Variants in SH3GL3 observed in about 807,000 individuals in gnomAD.
SH3GL3 encodes the protein endophilin-A3.
In SH3GL3, 33 loss-of-function variants were observed where a neutral mutation model predicts 47.7. That is an observed-to-expected ratio of 0.69 (90% CI 0.52 to 0.92). The LOEUF (loss-of-function observed/expected upper bound fraction) is 0.92, where lower values mean the gene tolerates loss of function less well. Ranked by LOEUF, SH3GL3 falls within the 40% of genes least tolerant of loss-of-function variation. The pLI, the probability that SH3GL3 is intolerant of heterozygous loss-of-function variation, is 0.00. For missense variants in SH3GL3, 363 were observed against 417.8 expected (o/e 0.87, Z 1.14); for synonymous variants, 155 against 148.8 (o/e 1.04, Z -0.30).
intron 1 of SH3GL3, among the ~76,000 whole-genome samples, chr15:83,465,812 A>C (rs1291475229): frequency 6.6e-6 from 1 of 152,068 alleles, no homozygotes; most frequent in Non-Finnish European, 1.5e-5. Context: ...TGTGCTTTTA[A>C]TTAAACATTT....
the SH3GL3 span, among the ~76,000 whole-genome samples, chr15:83,631,423 C>T: frequency 6.6e-6 from 1 of 152,204 alleles, no homozygotes; most frequent in Non-Finnish European, 1.5e-5. Context: ...TTCTGCCCTG[C>T]CCTAGCAGAG....
chr15:83,543,303 C>T (rs180908978), intron 1 of SH3GL3, among the ~76,000 whole-genome samples: 1 of 152,184 alleles, frequency 6.6e-6, no homozygotes, highest in Admixed American at 6.5e-5. Flanking sequence ...TATATTGAAC[C>T]ATTCTTGCAT....
chr15:83,492,434 C>T (rs915963424), intron 1 of SH3GL3, among the ~76,000 whole-genome samples: 13 of 151,720 alleles, frequency 8.6e-5, no homozygotes, highest in East Asian at 3.9e-4. Context: ...AAAAAAAAGA[C>T]GGGGGAAGTG....
intron 1 of SH3GL3, among the ~76,000 whole-genome samples, chr15:83,510,156 T>C (rs1193847499): frequency 6.6e-6 from 1 of 152,144 alleles, no homozygotes; most frequent in Non-Finnish European, 1.5e-5. Flanking sequence ...ATCAGACAAC[T>C]TCATCCAGAA....
chr15:83,589,672 C>G (rs971840016), intron 8 of SH3GL3, among the ~76,000 whole-genome samples: 5 of 152,174 alleles, frequency 3.3e-5, no homozygotes, highest in African/African-American at 1.2e-4. Context: ...CCACTGTACC[C>G]AGCCTTTTTT....
At chr15:83,577,929 C>T (rs576001524) in intron 6 of SH3GL3, among the ~76,000 whole-genome samples, 9 of 152,312 alleles carry the variant, frequency 5.9e-5, no homozygotes, top group Admixed American at 2.6e-4. Context: ...GGCGGACAGC[C>T]GCTGTCATCC....
chr15:83,559,248 T>C lies in SH3GL3; in HGVS notation c.46-5T>C. 1.3e-6 allele frequency: 2 copies of C among 1,489,698 alleles called. No homozygotes were observed. The highest frequency in any genetic ancestry group is 9.4e-7 in the Non-Finnish European group (1 of 1,066,498). 92.3% of individuals were successfully genotyped at this position (1,489,698 alleles called of 1,614,324 possible). A position where few individuals can be genotyped will look rare whatever the true frequency, so the allele number is the denominator to read the frequency against. ...CAATGCAATTATTTATGTTTATTTC[T>C]GCAGCTATTTAGTGAAAAAATAAGT... On this transcript the variant is annotated splice_polypyrimidine_tract_variant and splice_region_variant and intron_variant, in intron 1 of 8. Transcript: ENST00000427482.
chr15:83,539,365 A>G (rs1236017235), intron 1 of SH3GL3, among the ~76,000 whole-genome samples: 1 of 152,138 alleles, frequency 6.6e-6, no homozygotes, highest in African/African-American at 2.4e-5. Flanking sequence ...CTTTCTCTGA[A>G]GTCTCTTTTA....
intron 1 of SH3GL3, among the ~76,000 whole-genome samples, chr15:83,519,589 T>A (rs1328621328): frequency 6.6e-6 from 1 of 152,220 alleles, no homozygotes; most frequent in Non-Finnish European, 1.5e-5. Flanking sequence ...GTTTTCTAGG[T>A]ATAGAATCAT....
At chr15:83,585,666 A>G (rs1421747680) in intron 6 of SH3GL3, among the ~76,000 whole-genome samples, 1 of 152,196 alleles carries the variant, frequency 6.6e-6, no homozygotes, top group Non-Finnish European at 1.5e-5. Context: ...AGTAGGGGCC[A>G]GGCTGTCTTT....
chr15:83,552,197 C>A (rs2044701100), intron 1 of SH3GL3, among the ~76,000 whole-genome samples: 1 of 152,142 alleles, frequency 6.6e-6, no homozygotes, highest in African/African-American at 2.4e-5. Flanking sequence ...GACTTTCCAA[C>A]CTGAGATATT....
intron 1 of SH3GL3, among the ~76,000 whole-genome samples, chr15:83,482,906 G>T (rs1416056326): frequency 6.6e-6 from 1 of 152,180 alleles, no homozygotes; most frequent in Non-Finnish European, 1.5e-5. Context: ...AATGTGAACA[G>T]TTCCGTTCTA....
At chr15:83,458,121 G>A (rs774783114) in intron 1 of SH3GL3, among the ~76,000 whole-genome samples, 38 of 152,208 alleles carry the variant, frequency 2.5e-4, no homozygotes, top group African/African-American at 6.3e-4. Context: ...CACACTGTTC[G>A]GCTAAATAGT....
intron 1 of SH3GL3, among the ~76,000 whole-genome samples, chr15:83,474,567 T>G (rs2041005477): frequency 6.6e-6 from 1 of 152,208 alleles, no homozygotes; most frequent in Admixed American, 6.5e-5. Flanking sequence ...ATAGTTCATC[T>G]GCAGGTTGCC....
intron 1 of SH3GL3, among the ~76,000 whole-genome samples, chr15:83,539,141 A>G (rs1253720370): frequency 6.6e-6 from 1 of 152,200 alleles, no homozygotes; most frequent in Non-Finnish European, 1.5e-5. Flanking sequence ...TCTTATGCTT[A>G]TTGGCCATTT....
chr15:83,613,497 C>A (rs1245026054), intron 8 of SH3GL3, among the ~76,000 whole-genome samples: 1 of 152,172 alleles, frequency 6.6e-6, no homozygotes, highest in East Asian at 1.9e-4. Context: ...CAGGTTTACA[C>A]ATGGAGGTGG....
At chr15:83,581,604 C>A (rs1057268160) in intron 6 of SH3GL3, among the ~76,000 whole-genome samples, 1 of 152,204 alleles carries the variant, frequency 6.6e-6, no homozygotes, top group Non-Finnish European at 1.5e-5. Context: ...CCTTTCCTTG[C>A]AGTGTCTAGG....
intron 1 of SH3GL3, among the ~76,000 whole-genome samples, chr15:83,529,096 C>T (rs2043550194): frequency 6.6e-6 from 1 of 152,116 alleles, no homozygotes; most frequent in African/African-American, 2.4e-5. Context: ...GTGATTGTCT[C>T]AGTGGCCTGG....
chr15:83,518,839 T>G lies in SH3GL3; in HGVS notation c.46-40414T>G, dbSNP rs531180891. Among the ~76,000 whole-genome samples, 6 of 152,310 alleles carry G rather than the reference T, an allele frequency of 3.9e-5. No individual in the cohort carries two copies. In the South Asian group the frequency reaches 1.2e-3, roughly 32 times the overall value. ...TAAGGCTGATGTCCAGAATGGTGTT[T>G]CCTGGGTTTTCTTCTAGAATTCTTA... On this transcript the variant is annotated intron_variant, in intron 1 of 8. Coordinates refer to ENST00000427482, the MANE Select transcript of SH3GL3 (RefSeq NM_003027.5).
Sources: gnomAD v4.1 joint callset for allele counts (sites outside exome capture counted in the v4.1 genomes callset) on GRCh38, gnomAD v4.1.1 for gene constraint, MANE v1.5 for transcripts, NCBI Gene and HGNC (gene_info 2026-07-23, HGNC 2026-07-21) for gene names.